ARHGAP8: variants seen among roughly 807,000 people sequenced by gnomAD.
ARHGAP8 encodes rho GTPase-activating protein 8.
In ARHGAP8, 62 loss-of-function variants were observed where a neutral mutation model predicts 46.1. The observed-to-expected ratio is 1.34, with a 90% CI of 1.10 to 1.66. ARHGAP8 has a LOEUF of 1.66. Ranked by LOEUF, ARHGAP8 falls within the 40% of genes most tolerant of loss-of-function variation. The probability of loss-of-function intolerance (pLI) is 0.00; values close to 1 mark genes in which losing one functional copy is unlikely to be tolerated. For synonymous variants in ARHGAP8, 375 were observed against 243.1 expected, an observed-to-expected ratio of 1.54 and a Z score of -5.05; for missense variants, 923 against 568.4, an observed-to-expected ratio of 1.62 and a Z score of -6.34.
At chr22:44,817,386 A>C (rs868084955) in intron 5 of ARHGAP8, among the ~76,000 whole-genome samples, 4 of 152,216 alleles carry the variant, frequency 2.6e-5, no homozygotes, top group Non-Finnish European at 4.4e-5. Context: ...TATGCCGCAC[A>C]CATTCCCCTA....
chr22:44,861,522 CTG>C (rs146808442), intron 11 of ARHGAP8, among the ~76,000 whole-genome samples: 7,620 of 152,286 alleles, frequency 0.05, 254 homozygotes, highest in Non-Finnish European at 0.076. Context: ...CTCAACAGAT[CTG>C]TGAGGGTGGT....
rs1477220759 is a variant in ARHGAP8, at chr22:44,784,453, T to A, written c.-71-2004T>A. Among the ~76,000 whole-genome samples the A allele has an allele frequency of 2.0e-5, 3 of 152,150 alleles. No homozygotes were observed. The East Asian group carries it at 5.8e-4, about 29-fold the overall frequency. ...AGTATAAAAATTCCTTACATAGCAT[T>A]TACATTGTATTTGGTATTATAAGTA... On this transcript the variant is annotated intron_variant, in intron 1 of 11. Transcript: ENST00000356099.
At chr22:44,758,202 A>G (rs560368375) in intron 1 of ARHGAP8, among the ~76,000 whole-genome samples, 21 of 152,252 alleles carry the variant, frequency 1.4e-4, no homozygotes, top group African/African-American at 5.1e-4. Flanking sequence ...TGTGATCCCA[A>G]CACTTTGGGA....
chr22:44,758,912 G>A (rs1428168996), intron 1 of ARHGAP8, among the ~76,000 whole-genome samples: 1 of 152,242 alleles, frequency 6.6e-6, no homozygotes, highest in Non-Finnish European at 1.5e-5. Flanking sequence ...TGAGATCTGG[G>A]TTTAGGAGTG....
rs964859559 is a variant in ARHGAP8, at chr22:44,824,471, C to T, written c.486-1012C>T. On this transcript the variant is annotated intron_variant, in intron 6 of 11. Coordinates refer to ENST00000356099, the MANE Select transcript of ARHGAP8 (RefSeq NM_181335.3). ...CTTGTGTCACTGACTGCCTCACTCC[C>T]GAGCTGCCAACTAATGGTCATGTGC... is the stretch of plus-strand genomic sequence containing the variant. Among the ~76,000 whole-genome samples, 23 of 152,264 alleles carry T rather than the reference C, an allele frequency of 1.5e-4. No homozygotes were observed. In the East Asian group the frequency reaches 1.9e-3, roughly 13 times the overall value.
intron 6 of ARHGAP8, among the ~76,000 whole-genome samples, chr22:44,824,051 G>A (rs1385913175): frequency 6.6e-6 from 1 of 152,142 alleles, no homozygotes; most frequent in African/African-American, 2.4e-5. Flanking sequence ...TGGGGGTGGG[G>A]CTGAGTCTGG....
chr22:44,810,835 C>T (rs1929282116), intron 4 of ARHGAP8, among the ~76,000 whole-genome samples: 1 of 152,002 alleles, frequency 6.6e-6, no homozygotes, highest in South Asian at 2.1e-4. Flanking sequence ...GAGGGAGGGG[C>T]ACAGAGGATG....
chr22:44,862,142 A>C (rs1044143135), intron 11 of ARHGAP8, 133 bp from the exon 12 acceptor site: 16 of 1,117,580 alleles, frequency 1.4e-5, no homozygotes, highest in Admixed American at 1.2e-4. Context: ...CAGGGTCCCC[A>C]TTACTGGCTG....
At chr22:44,822,349 T>C in intron 5 of ARHGAP8, 22 bp from the exon 6 acceptor site, 1 of 1,574,716 alleles carries the variant, frequency 6.4e-7, no homozygotes, top group Non-Finnish European at 8.6e-7. Flanking sequence ...CGTTCTTTAT[T>C]CTCTTGCTTC....
At chr22:44,860,036 C>G (rs908841612) in intron 11 of ARHGAP8, among the ~76,000 whole-genome samples, 2 of 152,044 alleles carry the variant, frequency 1.3e-5, no homozygotes, top group African/African-American at 4.8e-5. Context: ...GCCTGTCAGA[C>G]AGGGCGTACC....
At position 44,822,458 on chromosome 22, in the gene ARHGAP8, C is replaced by T. The variant is rs751409610; in HGVS notation, c.474C>T (p.Pro158=). 1.4e-5 allele frequency: 22 copies of T among 1,554,600 alleles called. No individual in the cohort carries two copies. The highest frequency in any genetic ancestry group is 1.9e-5 in the Non-Finnish European group (22 of 1,159,660). ...HLKYDQLVIP[P]EVLRYDEKLQ... ...AATACGACCAGCTGGTCATCCCTCC[C>T]GAAGTTTTGCGGTAAGTGCCTGTTA... Residue 158 remains proline, a synonymous_variant, in exon 6 of 12, where the codon CCC becomes CCT. Transcript: ENST00000356099.
intron 1 of ARHGAP8, among the ~76,000 whole-genome samples, chr22:44,767,415 GC>G (rs545909263): frequency 4.5e-4 from 69 of 152,116 alleles, no homozygotes; most frequent in African/African-American, 1.6e-3. Context: ...CATGTTAGCT[GC>G]CCCTCCTGAA....
chr22:44,803,420 C>A (rs1447978217), intron 3 of ARHGAP8, among the ~76,000 whole-genome samples: 2 of 152,246 alleles, frequency 1.3e-5, no homozygotes, highest in East Asian at 3.9e-4. Flanking sequence ...TTTGAAGGGA[C>A]GGGCCCAGGG....
At chr22:44,847,926 C>A (rs753013124) in intron 8 of ARHGAP8, 47 bp from the exon 9 acceptor site, 2 of 1,601,716 alleles carry the variant, frequency 1.2e-6, no homozygotes, top group Admixed American at 3.3e-5. Flanking sequence ...TCCTGGAAGC[C>A]CTTTGGGCTG....
At chr22:44,858,359 G>T in intron 10 of ARHGAP8, among the ~76,000 whole-genome samples, 1 of 128,962 alleles carries the variant, frequency 7.8e-6, no homozygotes. Flanking sequence ...ATACTTGTTG[G>T]TTGGTGGTGG....
At chr22:44,776,330 T>C (rs879402574) in intron 1 of ARHGAP8, among the ~76,000 whole-genome samples, 10 of 151,946 alleles carry the variant, frequency 6.6e-5, no homozygotes, top group East Asian at 3.9e-4. Context: ...CGGGTACCTG[T>C]AATCCCAGCT....
chr22:44,860,200 C>G (rs544045903), intron 11 of ARHGAP8, among the ~76,000 whole-genome samples: 2 of 145,936 alleles, frequency 1.4e-5, no homozygotes, highest in African/African-American at 2.4e-5. Context: ...GTGGACTGAG[C>G]TGACCATTCC....
chr22:44,859,891 G>A, intron 11 of ARHGAP8, 57 bp downstream of exon 11: 2 of 1,580,618 alleles, frequency 1.3e-6, no homozygotes. Flanking sequence ...CTCCCATGCT[G>A]GGCCCGCATG....
chr22:44,860,605 G>A (rs1266126059), intron 11 of ARHGAP8, among the ~76,000 whole-genome samples: 6 of 149,838 alleles, frequency 4.0e-5, no homozygotes, highest in Non-Finnish European at 8.9e-5. Context: ...GATTCTCTGT[G>A]GTCTATCTTA....
Sources: gnomAD v4.1 joint callset for allele counts (sites outside exome capture counted in the v4.1 genomes callset) on GRCh38, gnomAD v4.1.1 for gene constraint, MANE v1.5 for transcripts, NCBI Gene and HGNC (gene_info 2026-07-23, HGNC 2026-07-21) for gene names.